Variants in ZCCHC7 observed in about 807,000 individuals in gnomAD.
ZCCHC7 encodes zinc finger CCHC-type containing 7, also known as zinc finger CCHC domain-containing protein 7.
A neutral mutation model predicts 52.0 loss-of-function variants in ZCCHC7; 35 were observed. The observed-to-expected ratio is 0.67, with a 90% CI of 0.51 to 0.89. ZCCHC7 has a LOEUF of 0.89. Ranked by LOEUF, ZCCHC7 falls within the 40% of genes least tolerant of loss-of-function variation. The probability of loss-of-function intolerance (pLI) is 0.00; values close to 1 mark genes in which losing one functional copy is unlikely to be tolerated. For missense variants in ZCCHC7, 574 were observed against 649.1 expected (o/e 0.88, Z 1.26); for synonymous variants, 217 against 221.5 (o/e 0.98, Z 0.18).
intron 5 of ZCCHC7, among the ~76,000 whole-genome samples, chr9:37,307,965 G>C (rs1175408960): frequency 6.6e-6 from 1 of 152,130 alleles, no homozygotes; most frequent in Non-Finnish European, 1.5e-5. Context: ...TCTTCTAAAA[G>C]ATTGTACCAA....
At chr9:37,180,180 C>A (rs991326052) in intron 2 of ZCCHC7, among the ~76,000 whole-genome samples, 1 of 152,040 alleles carries the variant, frequency 6.6e-6, no homozygotes, top group African/African-American at 2.4e-5. Context: ...GACTAGATGT[C>A]ATTGGTTTAA....
chr9:37,150,501 T>C (rs1820459356), intron 2 of ZCCHC7, among the ~76,000 whole-genome samples: 1 of 152,238 alleles, frequency 6.6e-6, no homozygotes, highest in Admixed American at 6.5e-5. Flanking sequence ...CTTGATGTAT[T>C]CTGCAGGTCA....
chr9:37,226,746 A>G (rs1445302928), intron 2 of ZCCHC7, among the ~76,000 whole-genome samples: 1 of 152,190 alleles, frequency 6.6e-6, no homozygotes, highest in East Asian at 1.9e-4. Context: ...AAAACAGGAT[A>G]TTGGCTAGGC....
At chr9:37,210,911 CTA>C (rs888145778) in intron 2 of ZCCHC7, among the ~76,000 whole-genome samples, 4 of 152,184 alleles carry the variant, frequency 2.6e-5, no homozygotes, top group South Asian at 2.1e-4. Flanking sequence ...TGATTAGTCT[CTA>C]TGTCTTTCAG....
chr9:37,305,051 AAC>A (rs1313397032), intron 4 of ZCCHC7, among the ~76,000 whole-genome samples: 1 of 152,228 alleles, frequency 6.6e-6, no homozygotes, highest in Non-Finnish European at 1.5e-5. Flanking sequence ...CCTTTGGAAC[AAC>A]ACAGAACTGA....
rs59489076 is a variant in ZCCHC7 at position 37,254,837 on chromosome 9, C to CTTTTTTTTTTTTTTTTTTTTTT, written c.611-47335_611-47334insTTTTTTTTTTTTTTTTTTTTTT. ...TGCCATGTTAATGCTCAAAAAGTTT[C>CTTTTTTTTTTTTTTTTTTTTTT]TTTTTTTTTTTTTTTTGGATTTTTG... On this transcript the variant is annotated intron_variant, in intron 2 of 8. Coordinates refer to ENST00000336755, the MANE Select transcript of ZCCHC7 (RefSeq NM_032226.3). Among the ~76,000 whole-genome samples, 35 of 93,456 alleles carry CTTTTTTTTTTTTTTTTTTTTTT rather than the reference C, an allele frequency of 3.7e-4. 1 individual carries two copies. The highest frequency in any genetic ancestry group is 8.6e-4 in the Admixed American group (6 of 6,974). 61.3% of individuals were successfully genotyped at this position (93,456 alleles called of 152,430 possible). A position where few individuals can be genotyped will look rare whatever the true frequency, so the allele number is the denominator to read the frequency against.
At chr9:37,236,265 G>A (rs1481629415) in intron 2 of ZCCHC7, among the ~76,000 whole-genome samples, 3 of 152,046 alleles carry the variant, frequency 2.0e-5, no homozygotes, top group Non-Finnish European at 4.4e-5. Flanking sequence ...ATACATTATT[G>A]TGGGAAGATA....
At chr9:37,123,222 T>TGTGC (rs901567775) in intron 1 of ZCCHC7, among the ~76,000 whole-genome samples, 2 of 103,764 alleles carry the variant, frequency 1.9e-5, no homozygotes, top group Admixed American at 1.9e-4. Flanking sequence ...TGTGTGTGTG[T>TGTGC]GTGCGTGTGC....
intron 2 of ZCCHC7, among the ~76,000 whole-genome samples, chr9:37,161,519 G>A (rs1050303877): frequency 6.6e-6 from 1 of 151,918 alleles, no homozygotes; most frequent in Non-Finnish European, 1.5e-5. Flanking sequence ...AGCTTGCAGT[G>A]AGCCAAGATG....
intron 2 of ZCCHC7, among the ~76,000 whole-genome samples, chr9:37,301,600 C>CA (rs1233631423): frequency 1.1e-4 from 16 of 151,180 alleles, no homozygotes; most frequent in Admixed American, 2.6e-4. Context: ...ACCCTGTCTC[C>CA]AAAAAAAACA....
At chr9:37,204,532 C>G (rs1290766797) in intron 2 of ZCCHC7, among the ~76,000 whole-genome samples, 1 of 152,182 alleles carries the variant, frequency 6.6e-6, no homozygotes, top group Non-Finnish European at 1.5e-5. Context: ...TATGGCTAGA[C>G]AGTTTTCCCA....
chr9:37,281,750 C>A (rs1306712312), intron 2 of ZCCHC7, among the ~76,000 whole-genome samples: 1 of 152,198 alleles, frequency 6.6e-6, no homozygotes, highest in Non-Finnish European at 1.5e-5. Flanking sequence ...TTAACTTCAG[C>A]ATATACACAT....
intron 2 of ZCCHC7, among the ~76,000 whole-genome samples, chr9:37,214,961 C>T (rs1824427507): frequency 6.6e-6 from 1 of 151,964 alleles, no homozygotes; most frequent in African/African-American, 2.4e-5. Context: ...AAAATAAAAA[C>T]TTTATTTTGT....
chr9:37,168,662 C>T (rs1172819916), intron 2 of ZCCHC7, among the ~76,000 whole-genome samples: 2 of 152,124 alleles, frequency 1.3e-5, no homozygotes, highest in Admixed American at 6.5e-5. Context: ...CTTTTGAGAG[C>T]CGAGGCAGGA....
intron 1 of ZCCHC7, among the ~76,000 whole-genome samples, chr9:37,122,658 G>A (rs1842363173): frequency 6.6e-6 from 1 of 152,140 alleles, no homozygotes; most frequent in South Asian, 2.1e-4. Context: ...TTTTATTTTG[G>A]GCCATGTGCG....
chr9:37,192,473 T>C (rs1378870880), intron 2 of ZCCHC7, among the ~76,000 whole-genome samples: 3 of 152,222 alleles, frequency 2.0e-5, no homozygotes, highest in South Asian at 2.1e-4. Context: ...TGTAGAAATA[T>C]ATGGAAGAAT....
At chr9:37,324,773 A>G (rs765594832) in intron 5 of ZCCHC7, among the ~76,000 whole-genome samples, 1 of 152,194 alleles carries the variant, frequency 6.6e-6, no homozygotes, top group Non-Finnish European at 1.5e-5. Flanking sequence ...TACAAGGCAG[A>G]CAACTGGCCA....
chr9:37,336,692 T>C (rs541541291), intron 6 of ZCCHC7, among the ~76,000 whole-genome samples: 1 of 152,214 alleles, frequency 6.6e-6, no homozygotes, highest in Admixed American at 6.5e-5. Flanking sequence ...TGTTAAGCAT[T>C]TTGTATGGTT....
At chr9:37,193,527 A>G (rs915210654) in intron 2 of ZCCHC7, among the ~76,000 whole-genome samples, 1 of 152,142 alleles carries the variant, frequency 6.6e-6, no homozygotes, top group Non-Finnish European at 1.5e-5. Flanking sequence ...AGATGATCAC[A>G]CAAAAGTAAC....
Sources: gnomAD v4.1 joint callset for allele counts (sites outside exome capture counted in the v4.1 genomes callset) on GRCh38, gnomAD v4.1.1 for gene constraint, MANE v1.5 for transcripts, NCBI Gene and HGNC (gene_info 2026-07-23, HGNC 2026-07-21) for gene names.